The following PTP4A1 variants were observed in gnomAD, a reference collection of about 807,000 sequenced individuals.
PTP4A1 encodes the protein protein tyrosine phosphatase type IVA 1.
In PTP4A1, 9 loss-of-function variants were observed where a neutral mutation model predicts 20.5. That is an observed-to-expected ratio of 0.44 (90% CI 0.26 to 0.77). The LOEUF (loss-of-function observed/expected upper bound fraction) is 0.77, where lower values mean the gene tolerates loss of function less well. PTP4A1 is among the 30% of genes least tolerant of loss of function. PTP4A1 has a pLI of 0.19. For missense variants in PTP4A1, 137 were observed against 218.8 expected (o/e 0.63, Z 2.36); for synonymous variants, 78 against 67.4 (o/e 1.16, Z -0.77).
chr6:63,565,368 T>A (rs1398557862), intron 3 of PTP4A1, among the ~76,000 whole-genome samples: 1 of 152,042 alleles, frequency 6.6e-6, no homozygotes, highest in Non-Finnish European at 1.5e-5. Flanking sequence ...TTAAATTGAT[T>A]ACAATTAGAC....
chr6:63,559,441 T>C (rs1169172372), intron 3 of PTP4A1, among the ~76,000 whole-genome samples: 1 of 152,054 alleles, frequency 6.6e-6, no homozygotes, highest in East Asian at 1.9e-4. Context: ...AAAAAAATCA[T>C]TTGGTTTAAA....
At chr6:63,551,351 C>A (rs1776432544) in intron 3 of PTP4A1, among the ~76,000 whole-genome samples, 1 of 152,046 alleles carries the variant, frequency 6.6e-6, no homozygotes, top group Admixed American at 6.5e-5. Flanking sequence ...CAGGCATGAG[C>A]CACTGCACCC....
At chr6:63,579,526 A>G (rs959693035) in intron 5 of PTP4A1, among the ~76,000 whole-genome samples, 195 bp downstream of exon 5, 1 of 152,212 alleles carries the variant, frequency 6.6e-6, no homozygotes, top group African/African-American at 2.4e-5. Context: ...TAATCCAACA[A>G]GAGTTTTTGA....
At chr6:63,547,598 C>T (rs1187399461) in intron 2 of PTP4A1, among the ~76,000 whole-genome samples, 17 of 149,742 alleles carry the variant, frequency 1.1e-4, no homozygotes, top group African/African-American at 2.5e-4. Flanking sequence ...CTCCGCCTCC[C>T]GGGTTCATTC....
At chr6:63,578,001 A>G (rs946479740) in intron 2 of PTP4A1, among the ~76,000 whole-genome samples, 2 of 144,674 alleles carry the variant, frequency 1.4e-5, no homozygotes, top group South Asian at 4.4e-4. Context: ...GTAAATCAGT[A>G]AAGTTTAAGG....
intron 2 of PTP4A1, among the ~76,000 whole-genome samples, chr6:63,530,847 C>T (rs1193893744): frequency 1.3e-5 from 2 of 152,088 alleles, no homozygotes; most frequent in African/African-American, 4.8e-5. Flanking sequence ...TACCTTAAAA[C>T]ATCCAAATTG....
upstream of PTP4A1, among the ~76,000 whole-genome samples, chr6:63,521,420 A>G (rs1327684985): frequency 6.6e-6 from 1 of 152,200 alleles, no homozygotes; most frequent in Non-Finnish European, 1.5e-5. Context: ...CTCAGGTAGG[A>G]TCAGAAAGAG....
In PTP4A1 at chr6:63,578,450, A is replaced by G. The variant is rs2149516329; in HGVS notation, c.119A>G (p.Tyr40Cys). ...CGTTTTATCCAGGAACTTAAGAAGT[A>G]TGGAGTTACCACAATAGTAAGAGTA... ...LNKFIEELKK[Y>C]GVTTIVRVCE... is the part of the protein sequence containing the mutation. Residue 40 changes from tyrosine to cysteine, a missense_variant, in exon 3 of 6, where the codon TAT (tyrosine) becomes TGT (cysteine). Tyr to Cys is a radical substitution (Grantham distance 194). Coordinates refer to ENST00000626021, the MANE Select transcript of PTP4A1 (RefSeq NM_003463.5). 1 of 1,607,772 alleles carries G rather than the reference A, an allele frequency of 6.2e-7. No individual in the cohort carries two copies. The highest frequency in any genetic ancestry group is 1.7e-4 in the Middle Eastern group (1 of 6,004).
intron 3 of PTP4A1, among the ~76,000 whole-genome samples, chr6:63,559,917 G>A (rs1336883730): frequency 3.3e-5 from 5 of 152,058 alleles, no homozygotes; most frequent in Non-Finnish European, 7.4e-5. Flanking sequence ...GTGATCCACC[G>A]TGCCTGGCCA....
intron 2 of PTP4A1, among the ~76,000 whole-genome samples, chr6:63,530,891 CAG>C (rs1775428461): frequency 6.6e-6 from 1 of 152,072 alleles, no homozygotes; most frequent in Non-Finnish European, 1.5e-5. Flanking sequence ...TATAAACTAT[CAG>C]AGATGTAATG....
intron 3 of PTP4A1, among the ~76,000 whole-genome samples, chr6:63,559,783 G>A (rs1776854652): frequency 6.6e-6 from 1 of 151,984 alleles, no homozygotes; most frequent in Non-Finnish European, 1.5e-5. Context: ...AGCCAGGCAT[G>A]GTCGTTCATG....
At chr6:63,556,317 C>G (rs1407025127) in intron 3 of PTP4A1, among the ~76,000 whole-genome samples, 1 of 151,548 alleles carries the variant, frequency 6.6e-6, no homozygotes, top group Non-Finnish European at 1.5e-5. Context: ...TAACATCAAA[C>G]TTGGTTTTTT....
At chr6:63,559,463 ACGGCCAGGTGCAGTGGC>A (rs1776841017) in intron 3 of PTP4A1, among the ~76,000 whole-genome samples, 1 of 152,112 alleles carries the variant, frequency 6.6e-6, no homozygotes, top group African/African-American at 2.4e-5. Flanking sequence ...AATGAATTTC[ACGGCCAGGTGCAGTGGC>A]TCACACCTGT....
At chr6:63,559,013 A>C (rs957451010) in intron 3 of PTP4A1, among the ~76,000 whole-genome samples, 3 of 152,222 alleles carry the variant, frequency 2.0e-5, no homozygotes, top group African/African-American at 7.2e-5. Flanking sequence ...AAAGGCCATA[A>C]GGATGGCTTG....
In PTP4A1 at chr6:63,580,685, T is replaced by C. The variant is rs1246058827; in HGVS notation, c.*511T>C. On this transcript the variant is annotated 3_prime_UTR_variant, in exon 6 of 6. Coordinates refer to ENST00000626021, the MANE Select transcript of PTP4A1 (RefSeq NM_003463.5). ...TGCCTGCTCACTTTATGTTTACATC[T>C]CCCACATTCATACCAATATACGTCA... is the stretch of plus-strand genomic sequence containing the variant. The C allele has an allele frequency of 6.5e-6, 1 of 152,848 alleles. No individual in the cohort carries two copies. Among genetic ancestry groups the C allele is most frequent in the Non-Finnish European group, 1.5e-5 (1 of 68,252 alleles). The allele number at this position is 152,848 out of a possible 1,614,324, so 9.5% of individuals were successfully genotyped here.
At position 63,581,571 on chromosome 6, in the gene PTP4A1, A is replaced by G. The variant is rs1037104271; in HGVS notation, c.*1397A>G. The G allele has an allele frequency of 2.0e-5, 3 of 152,246 alleles. No homozygotes were observed. Among genetic ancestry groups the G allele is most frequent in the African/African-American group, 7.2e-5 (3 of 41,462 alleles). The allele number at this position is 152,246 out of a possible 1,614,324, so 9.4% of individuals were successfully genotyped here. ...TAAATGAAGGATTATAAATGATGTC[A>G]GCATTTTAGTAAACTTTTAGACAAA... is the stretch of plus-strand genomic sequence containing the variant. On this transcript the variant is annotated 3_prime_UTR_variant, in exon 6 of 6. Transcript: ENST00000626021.
intron 3 of PTP4A1, among the ~76,000 whole-genome samples, chr6:63,561,358 TGTCA>T (rs373888027): frequency 6.6e-5 from 10 of 152,178 alleles, no homozygotes; most frequent in Non-Finnish European, 1.3e-4. Flanking sequence ...ACTCAATAAA[TGTCA>T]GTCAATGTTA....
intron 3 of PTP4A1, among the ~76,000 whole-genome samples, chr6:63,554,342 A>C (rs1776578993): frequency 6.6e-6 from 1 of 152,194 alleles, no homozygotes. Flanking sequence ...TATCTTGTCC[A>C]GAACTTGACC....
chr6:63,528,017 C>G (rs530616265), exon 2 of PTP4A1: 2 of 152,318 alleles, frequency 1.3e-5, no homozygotes, highest in African/African-American at 4.8e-5. Flanking sequence ...CTCTTGGAGG[C>G]TCTACATCTA....
Sources: gnomAD v4.1 joint callset for allele counts (sites outside exome capture counted in the v4.1 genomes callset) on GRCh38, gnomAD v4.1.1 for gene constraint, MANE v1.5 for transcripts, NCBI Gene and HGNC (gene_info 2026-07-23, HGNC 2026-07-21) for gene names.